Variants in SPATA17 observed in about 807,000 individuals in gnomAD.
SPATA17 encodes spermatogenesis associated 17.
In SPATA17, 53 loss-of-function variants were observed where a neutral mutation model predicts 62.2. The ratio of observed to expected loss-of-function variants is 0.85; its 90% confidence interval spans 0.68 to 1.07. The LOEUF is 1.07. Among genes scored for constraint, SPATA17 ranks in the 50% least tolerant of loss-of-function variants. SPATA17 has a pLI of 0.00. For synonymous variants in SPATA17, 146 were observed against 146.8 expected (o/e 0.99, Z 0.04); for missense variants, 466 against 425.5 (o/e 1.10, Z -0.84).
At chr1:217,812,151 A>C (rs995723930) in intron 9 of SPATA17, among the ~76,000 whole-genome samples, 1 of 152,276 alleles carries the variant, frequency 6.6e-6, no homozygotes, top group Middle Eastern at 3.4e-3. Flanking sequence ...GAAATCTTTC[A>C]TTCACTTATA....
intron 5 of SPATA17, among the ~76,000 whole-genome samples, chr1:217,736,561 AAGATCTTG>A (rs67158017): frequency 0.46 from 69,424 of 151,698 alleles, 17,355 homozygotes; most frequent in Non-Finnish European, 0.58. Context: ...AATTTAAGTG[AAGATCTTG>A]AGGTAGAAAT....
At chr1:217,696,160 G>A (rs572380430) in intron 5 of SPATA17, among the ~76,000 whole-genome samples, 1 of 152,332 alleles carries the variant, frequency 6.6e-6, no homozygotes, top group East Asian at 1.9e-4. Flanking sequence ...GTGGGCGTAG[G>A]ACCCTCCGAG....
intron 6 of SPATA17, among the ~76,000 whole-genome samples, chr1:217,767,556 A>G (rs1472270937): frequency 6.6e-6 from 1 of 152,102 alleles, no homozygotes; most frequent in Non-Finnish European, 1.5e-5. Flanking sequence ...TTTCATTTTT[A>G]ACAACTTTCT....
chr1:217,662,345 A>T (rs1670589828), intron 3 of SPATA17, among the ~76,000 whole-genome samples: 1 of 152,174 alleles, frequency 6.6e-6, no homozygotes, highest in Non-Finnish European at 1.5e-5. Flanking sequence ...AATTGAGATC[A>T]TCTAGTGAAT....
chr1:217,812,945 C>T (rs1268738409), intron 9 of SPATA17, among the ~76,000 whole-genome samples: 1 of 152,120 alleles, frequency 6.6e-6, no homozygotes. Context: ...GTTGATAGAG[C>T]TTTTCCTCAT....
At position 217,774,601 on chromosome 1, in the gene SPATA17, A is replaced by T. The variant is rs1179214396; in HGVS notation, c.723+64A>T. 5 of 1,315,168 alleles carry T rather than the reference A, an allele frequency of 3.8e-6. No homozygotes were observed. The African/African-American group carries it at 5.9e-5, about 16-fold the overall frequency. 81.5% of individuals were successfully genotyped at this position (1,315,168 alleles called of 1,614,324 possible). A position where few individuals can be genotyped will look rare whatever the true frequency, so the allele number is the denominator to read the frequency against. ...ATTCTTGCTATTTTTTGCACTTTTTATATAACACTATCTTAATTTAACCAT... is the reference window on the plus strand; with the variant it reads ...ATTCTTGCTATTTTTTGCACTTTTTTTATAACACTATCTTAATTTAACCAT... On this transcript the variant is annotated intron_variant, in intron 7 of 10. Coordinates refer to ENST00000366933, the MANE Select transcript of SPATA17 (RefSeq NM_138796.4).
intron 9 of SPATA17, among the ~76,000 whole-genome samples, chr1:217,804,837 G>A (rs1674395840): frequency 1.3e-5 from 2 of 152,100 alleles, no homozygotes; most frequent in African/African-American, 4.8e-5. Context: ...ACCACAATGA[G>A]CTATAACTTC....
At chr1:217,650,804 T>C (rs1299893337) in intron 2 of SPATA17, among the ~76,000 whole-genome samples, 1 of 152,206 alleles carries the variant, frequency 6.6e-6, no homozygotes, top group African/African-American at 2.4e-5. Flanking sequence ...CTGTGACCTG[T>C]TTTATAGTCT....
chr1:217,661,117 T>C (rs1670558816), intron 3 of SPATA17, among the ~76,000 whole-genome samples: 1 of 152,020 alleles, frequency 6.6e-6, no homozygotes, highest in Non-Finnish European at 1.5e-5. Flanking sequence ...AAGTTCTAGA[T>C]CCATAGTTAT....
intron 4 of SPATA17, 90 bp downstream of exon 4, chr1:217,669,173 AT>A (rs2102896842): frequency 1.8e-6 from 2 of 1,088,524 alleles, no homozygotes; most frequent in South Asian, 2.7e-5. Context: ...AATAATGCAA[AT>A]TTGATTGATA....
At chr1:217,734,205 A>G (rs922666973) in intron 5 of SPATA17, among the ~76,000 whole-genome samples, 3 of 152,180 alleles carry the variant, frequency 2.0e-5, no homozygotes, top group African/African-American at 7.2e-5. Flanking sequence ...TAGACTTAGC[A>G]TTCTCTTTTT....
Position 217,744,640 on chromosome 1 carries a change from A to T in SPATA17, c.519+2542A>T, listed in dbSNP as rs112703753. 2.4e-3 allele frequency among the ~76,000 whole-genome samples: 367 copies of T among 152,234 alleles called. 6 individuals are homozygous for T. Among genetic ancestry groups the T allele is most frequent in the African/African-American group, 8.6e-3 (356 of 41,530 alleles). On this transcript the variant is annotated intron_variant, in intron 6 of 10. Coordinates refer to ENST00000366933, the MANE Select transcript of SPATA17 (RefSeq NM_138796.4). Reference sequence around the variant, plus strand: ...ACCATATAAGCTGCTGATAATATCAATGTATGTAAACTTTACTTTAGTGAT... The same window carrying T: ...ACCATATAAGCTGCTGATAATATCATTGTATGTAAACTTTACTTTAGTGAT...
intron 9 of SPATA17, among the ~76,000 whole-genome samples, chr1:217,809,789 A>G (rs879766553): frequency 1.4e-4 from 21 of 152,350 alleles, no homozygotes; most frequent in Admixed American, 5.2e-4. Flanking sequence ...AACTCAAGCC[A>G]TAACAATGTC....
At chr1:217,704,216 CTCCT>C (rs1191129054) in intron 5 of SPATA17, among the ~76,000 whole-genome samples, 1 of 139,882 alleles carries the variant, frequency 7.1e-6, no homozygotes, top group Non-Finnish European at 1.6e-5. Flanking sequence ...CCTAACTCTC[CTCCT>C]TCCCTCTACC....
chr1:217,825,040 A>AT (rs1553254484), intron 9 of SPATA17, among the ~76,000 whole-genome samples: 1 of 69,110 alleles, frequency 1.4e-5, no homozygotes, highest in Non-Finnish European at 3.3e-5. Flanking sequence ...AATTCAATAC[A>AT]TATACAAATG....
At chr1:217,749,635 C>G (rs767660401) in intron 6 of SPATA17, among the ~76,000 whole-genome samples, 5 of 151,914 alleles carry the variant, frequency 3.3e-5, no homozygotes, top group African/African-American at 4.8e-5. Flanking sequence ...TTTCCTGAAC[C>G]CTGAGAAATT....
chr1:217,786,775 T>C (rs560824090), intron 8 of SPATA17, among the ~76,000 whole-genome samples: 1 of 140,022 alleles, frequency 7.1e-6, no homozygotes, highest in African/African-American at 3.1e-5. Context: ...CTTCTTCTTC[T>C]TCTTCTTCTT....
At chr1:217,737,433 G>A (rs2102945198) in intron 5 of SPATA17, among the ~76,000 whole-genome samples, 1 of 152,280 alleles carries the variant, frequency 6.6e-6, no homozygotes, top group Middle Eastern at 3.4e-3. Flanking sequence ...TGGTGCATGA[G>A]ATTTATTGGG....
At chr1:217,702,032 G>GTGTATA (rs1553367059) in intron 5 of SPATA17, among the ~76,000 whole-genome samples, 2 of 147,856 alleles carry the variant, frequency 1.4e-5, no homozygotes, top group African/African-American at 5.0e-5. Context: ...AAAATTTGGT[G>GTGTATA]TATATATATA....
Sources: gnomAD v4.1 joint callset for allele counts (sites outside exome capture counted in the v4.1 genomes callset) on GRCh38, gnomAD v4.1.1 for gene constraint, MANE v1.5 for transcripts, NCBI Gene and HGNC (gene_info 2026-07-23, HGNC 2026-07-21) for gene names.